Variants in CTCFL observed in about 807,000 individuals in gnomAD.
The protein encoded by CTCFL is CCCTC-binding factor like.
Under a neutral mutation model 67.4 loss-of-function variants are expected in CTCFL, and 36 were observed. That is an observed-to-expected ratio of 0.53 (90% confidence interval 0.41 to 0.71). The LOEUF (loss-of-function observed/expected upper bound fraction) is 0.71, where lower values mean the gene tolerates loss of function less well. Ranked by LOEUF, CTCFL falls within the 30% of genes least tolerant of loss-of-function variation. The probability of loss-of-function intolerance (pLI) is 0.00; values close to 1 mark genes in which losing one functional copy is unlikely to be tolerated. For synonymous variants in CTCFL, 324 were observed against 302.3 expected (o/e 1.07, Z -0.75); for missense variants, 786 against 835.2 (o/e 0.94, Z 0.73).
chr20:57,510,000 G>C (rs1200782639), intron 8 of CTCFL, among the ~76,000 whole-genome samples: 2 of 152,182 alleles, frequency 1.3e-5, no homozygotes, highest in African/African-American at 4.8e-5. Flanking sequence ...CATCTTTCAG[G>C]AAGCCCTCCT....
Position 57,515,739 on chromosome 20 carries a change from C to T in CTCFL, c.1155G>A (p.Leu385=), listed in dbSNP as rs748804312. 3.7e-6 allele frequency: 6 copies of T among 1,614,138 alleles called. No homozygotes were observed. The highest frequency in any genetic ancestry group is 5.1e-6 in the Non-Finnish European group (6 of 1,180,022). Residue 385 remains leucine (L), a synonymous_variant, in exon 6 of 11, where the codon CTG becomes CTA. Coordinates refer to ENST00000243914, the MANE Select transcript of CTCFL (RefSeq NM_001386993.1). The part of the protein sequence containing the change: ...CSYASRDTYK[L]KRHMRTHSGE... ...CTGAGTGCGTTCTCATGTGGCGTTT[C>T]AGCTTGTAGGTATCTCTGCTGGCAT... is the stretch of plus-strand genomic sequence containing the variant.
intron 8 of CTCFL, 29 bp downstream of exon 8, chr20:57,512,563 G>A (rs2068632418): frequency 6.2e-7 from 1 of 1,607,602 alleles, no homozygotes. Context: ...ATACACCACT[G>A]CCTCTCCAAA....
intron 10 of CTCFL, 127 bp downstream of exon 10, chr20:57,503,302 CCACCTTG>C: frequency 9.7e-7 from 1 of 1,029,392 alleles, no homozygotes; most frequent in Admixed American, 2.3e-5. Context: ...CTGGCACAAG[CCACCTTG>C]CAGGACCGAC....
chr20:57,523,361 A>G (rs1200262864), intron 2 of CTCFL, 83 bp from the exon 3 acceptor site: 2 of 1,322,520 alleles, frequency 1.5e-6, no homozygotes, highest in Non-Finnish European at 2.1e-6. Flanking sequence ...CAGAATACAA[A>G]AAGAAAAGCC....
chr20:57,519,184 A>C (rs1347884400), intron 4 of CTCFL, 23 bp downstream of exon 4: 1 of 1,611,310 alleles, frequency 6.2e-7, no homozygotes, highest in East Asian at 2.2e-5. Context: ...ATTCCAGAGA[A>C]ACAGCCTTCC....
At chr20:57,509,821 TC>T (rs1415388687) in intron 8 of CTCFL, among the ~76,000 whole-genome samples, 1 of 152,134 alleles carries the variant, frequency 6.6e-6, no homozygotes, top group Non-Finnish European at 1.5e-5. Flanking sequence ...TGGGACAGCA[TC>T]TCTGGCGCTC....
At position 57,523,747 on chromosome 20, in the gene CTCFL, G is replaced by A; in HGVS notation, c.459C>T (p.Phe153=). 1 of 1,613,330 alleles carries A rather than the reference G, an allele frequency of 6.2e-7. No homozygotes were observed. The highest frequency in any genetic ancestry group is 2.2e-5 in the East Asian group (1 of 44,876). ...YSPQEMEVLQ[F]HALEENVMVA... is the part of the protein sequence containing the mutation. Reference sequence around the variant, plus strand: ...CCATCACATTCTCCTCTAGAGCGTGGAACTGCAACACCTCCATCTCTTGCG... The same window carrying A: ...CCATCACATTCTCCTCTAGAGCGTGAAACTGCAACACCTCCATCTCTTGCG... Residue 153 remains phenylalanine, a synonymous_variant, in exon 2 of 11, where the codon TTC becomes TTT. Transcript: ENST00000243914.
intron 8 of CTCFL, among the ~76,000 whole-genome samples, chr20:57,512,141 A>C (rs1441264721): frequency 6.6e-6 from 1 of 152,218 alleles, no homozygotes; most frequent in Non-Finnish European, 1.5e-5. Flanking sequence ...AGACTGAATA[A>C]AGTTAACAAC....
chr20:57,505,308 T>C lies in CTCFL; in HGVS notation c.1675-1707A>G, dbSNP rs572256612. Among the ~76,000 whole-genome samples the C allele has an allele frequency of 1.7e-4, 26 of 151,810 alleles. 2 individuals carry two copies. In the South Asian group the frequency reaches 5.2e-3, roughly 30 times the overall value. On this transcript the variant is annotated intron_variant, in intron 9 of 10. Transcript: ENST00000243914. ...TCTTGCTCTTTCGTCTAGGCTGGAG[T>C]GCAGTGGCACGATCTCTGCTCACTG...
chr20:57,505,338 C>T (rs1374153939), intron 9 of CTCFL, among the ~76,000 whole-genome samples: 1 of 151,728 alleles, frequency 6.6e-6, no homozygotes, highest in Non-Finnish European at 1.5e-5. Flanking sequence ...TCACTGCAAG[C>T]TCCGCCTCCC....
intron 10 of CTCFL, chr20:57,500,011 C>T (rs2225194): frequency 0.31 from 309,422 of 986,616 alleles, 49,549 homozygotes; most frequent in African/African-American, 0.46. Context: ...ATCCACAGAG[C>T]GCCACACTGA....
rs143422096 is a variant in CTCFL at position 57,521,627 on chromosome 20, A to G, written c.754+1441T>C. Among the ~76,000 whole-genome samples, 449 of 152,384 alleles carry G rather than the reference A, an allele frequency of 2.9e-3. 2 individuals are homozygous for G. Among genetic ancestry groups the G allele is most frequent in the African/African-American group, 0.01 (423 of 41,588 alleles). ...ACAAAAAACTTGTACACAGATGGTC[A>G]TAAGAACACCATTCACACTTGCTGA... On this transcript the variant is annotated intron_variant, in intron 3 of 10. Transcript: ENST00000243914.
At chr20:57,513,955 C>A (rs987553133) in intron 7 of CTCFL, 3 of 1,214,270 alleles carry the variant, frequency 2.5e-6, no homozygotes, top group Non-Finnish European at 3.2e-6. Context: ...TCCCCACAGG[C>A]AGTATCAAAT....
intron 3 of CTCFL, among the ~76,000 whole-genome samples, chr20:57,520,332 C>T (rs371063505): frequency 1.3e-5 from 2 of 152,144 alleles, no homozygotes; most frequent in African/African-American, 4.8e-5. Context: ...GCAAGGGCAG[C>T]GGAAACAAAC....
chr20:57,523,051 G>A lies in CTCFL; in HGVS notation c.754+17C>T. The A allele has an allele frequency of 6.2e-7, 1 of 1,603,156 alleles. No homozygotes were observed. The highest frequency in any genetic ancestry group is 8.5e-7 in the Non-Finnish European group (1 of 1,172,126). ...CCCAGTTTTAGGGAGTGTATTCTAT[G>A]AGATGAACTGGCCTACCCTTTGTCT... On this transcript the variant is annotated intron_variant, in intron 3 of 10. Coordinates refer to ENST00000243914, the MANE Select transcript of CTCFL (RefSeq NM_001386993.1).
intron 7 of CTCFL, among the ~76,000 whole-genome samples, chr20:57,514,208 A>T (rs1444411477): frequency 6.6e-6 from 1 of 152,142 alleles, no homozygotes; most frequent in Non-Finnish European, 1.5e-5. Flanking sequence ...AGCACTGATA[A>T]ATAGGAACCC....
intron 10 of CTCFL, chr20:57,499,875 A>C (rs1042272571): frequency 5.2e-6 from 4 of 767,078 alleles, no homozygotes. Flanking sequence ...CTGTCAATAC[A>C]AAGCTTCACT....
rs950937117 is a variant in CTCFL at position 57,517,078 on chromosome 20, C to A, written c.1060-1244G>T. Among the ~76,000 whole-genome samples the A allele has an allele frequency of 3.7e-4, 56 of 152,114 alleles. 1 individual carries two copies. Among genetic ancestry groups the A allele is most frequent in the Non-Finnish European group, 2.9e-5 (2 of 68,022 alleles). On this transcript the variant is annotated intron_variant, in intron 5 of 10. Coordinates refer to ENST00000243914, the MANE Select transcript of CTCFL (RefSeq NM_001386993.1). Reference sequence around the variant, plus strand: ...GAAAGCTTAGAATGGAAAACAACAGCCAAGCCAAAAAATTTCACTTAGGTT... The same window carrying A: ...GAAAGCTTAGAATGGAAAACAACAGACAAGCCAAAAAATTTCACTTAGGTT...
intron 1 of CTCFL, 177 bp from the exon 2 acceptor site, chr20:57,524,393 T>C: frequency 7.0e-7 from 1 of 1,431,924 alleles, no homozygotes. Context: ...TAGGAGGGGG[T>C]CAAGGCTAAG....
Sources: gnomAD v4.1 joint callset for allele counts (sites outside exome capture counted in the v4.1 genomes callset) on GRCh38, gnomAD v4.1.1 for gene constraint, MANE v1.5 for transcripts, NCBI Gene and HGNC (gene_info 2026-07-23, HGNC 2026-07-21) for gene names.